Variants in SUCLG2 observed in about 807,000 individuals in gnomAD.
SUCLG2 encodes succinate-CoA ligase GDP-forming subunit beta.
In SUCLG2, 42 loss-of-function variants were observed where a neutral mutation model predicts 47.9. That is an observed-to-expected ratio of 0.88 (90% CI 0.69 to 1.14). The LOEUF is 1.14. SUCLG2 is among the 50% of genes most tolerant of loss of function. The pLI is 0.00. For missense variants in SUCLG2, 571 were observed against 525.9 expected (o/e 1.09, Z -0.84); for synonymous variants, 195 against 197.3 (o/e 0.99, Z 0.10).
chr3:67,458,295 T>C (rs1449928411), intron 9 of SUCLG2, among the ~76,000 whole-genome samples: 3 of 152,170 alleles, frequency 2.0e-5, no homozygotes, highest in Admixed American at 6.5e-5. Context: ...CAGTGCTTTA[T>C]AGACATTTGA....
chr3:67,553,943 T>A (rs990827368), intron 2 of SUCLG2, among the ~76,000 whole-genome samples: 1 of 152,220 alleles, frequency 6.6e-6, no homozygotes, highest in Non-Finnish European at 1.5e-5. Context: ...TTAATTATCA[T>A]GGGTTTCAGA....
intron 9 of SUCLG2, among the ~76,000 whole-genome samples, chr3:67,402,659 T>C (rs1257485497): frequency 6.6e-6 from 1 of 152,054 alleles, no homozygotes; most frequent in East Asian, 1.9e-4. Flanking sequence ...CTCCATGGGG[T>C]CCATGATAGA....
intron 2 of SUCLG2, among the ~76,000 whole-genome samples, chr3:67,593,777 C>T (rs981061667): frequency 6.6e-6 from 1 of 152,132 alleles, no homozygotes; most frequent in South Asian, 2.1e-4. Flanking sequence ...AGTTGGTCAC[C>T]CCCGACTATG....
At chr3:67,560,546 G>A (rs1575778728) in intron 2 of SUCLG2, among the ~76,000 whole-genome samples, 1 of 152,294 alleles carries the variant, frequency 6.6e-6, no homozygotes, top group African/African-American at 2.4e-5. Context: ...AGGAAGGTAA[G>A]TAAAGCCTCC....
intron 2 of SUCLG2, among the ~76,000 whole-genome samples, chr3:67,567,888 A>G (rs1707501846): frequency 6.6e-6 from 1 of 152,208 alleles, no homozygotes; most frequent in African/African-American, 2.4e-5. Context: ...AGTTAATTCA[A>G]TTGTACTTGA....
At chr3:67,585,912 A>C (rs1372542300) in intron 2 of SUCLG2, among the ~76,000 whole-genome samples, 2 of 142,166 alleles carry the variant, frequency 1.4e-5, no homozygotes, top group African/African-American at 5.2e-5. Flanking sequence ...GGTAGCAGTG[A>C]GCCGAGATCA....
At chr3:67,434,786 C>T (rs557012712) in intron 9 of SUCLG2, among the ~76,000 whole-genome samples, 9 of 152,300 alleles carry the variant, frequency 5.9e-5, no homozygotes, top group Admixed American at 2.0e-4. Flanking sequence ...CACATAGCAA[C>T]ATGAGATGCA....
chr3:67,462,800 T>C (rs1322967920), intron 9 of SUCLG2, among the ~76,000 whole-genome samples: 2 of 152,128 alleles, frequency 1.3e-5, no homozygotes, highest in African/African-American at 4.8e-5. Flanking sequence ...GCATCGGAAG[T>C]GAGGCGTGGT....
intron 1 of SUCLG2, among the ~76,000 whole-genome samples, chr3:67,629,512 G>A (rs908816618): frequency 9.2e-5 from 14 of 152,038 alleles, no homozygotes; most frequent in African/African-American, 3.4e-4. Context: ...AGGGGGGGGC[G>A]CCCATATGTG....
intron 7 of SUCLG2, among the ~76,000 whole-genome samples, chr3:67,505,063 T>A (rs891199521): frequency 6.6e-6 from 1 of 152,206 alleles, no homozygotes; most frequent in Non-Finnish European, 1.5e-5. Context: ...AAACTGTATG[T>A]CTCCTATACC....
intron 10 of SUCLG2, among the ~76,000 whole-genome samples, chr3:67,394,106 G>A (rs1364603955): frequency 6.6e-6 from 1 of 152,126 alleles, no homozygotes; most frequent in Non-Finnish European, 1.5e-5. Context: ...ACTCTAAAAA[G>A]CAGAGCACCT....
intron 2 of SUCLG2, among the ~76,000 whole-genome samples, chr3:67,589,779 T>C (rs1054923235): frequency 3.3e-5 from 5 of 152,186 alleles, no homozygotes; most frequent in Admixed American, 3.3e-4. Context: ...CAACGCACAG[T>C]GAAGCTGGGG....
At chr3:67,603,806 C>A (rs900486014) in intron 2 of SUCLG2, among the ~76,000 whole-genome samples, 1 of 152,178 alleles carries the variant, frequency 6.6e-6, no homozygotes, top group Non-Finnish European at 1.5e-5. Flanking sequence ...ATGAGAGACA[C>A]AATCCTTCAC....
intron 1 of SUCLG2, among the ~76,000 whole-genome samples, chr3:67,642,951 TGAGA>T (rs141421739): frequency 7.1e-6 from 1 of 141,546 alleles, no homozygotes; most frequent in Admixed American, 7.0e-5. Context: ...TGTGTGTGTG[TGAGA>T]GAGATGGCAC....
chr3:67,436,005 C>T (rs1703610448), intron 9 of SUCLG2, among the ~76,000 whole-genome samples: 1 of 152,126 alleles, frequency 6.6e-6, no homozygotes, highest in Non-Finnish European at 1.5e-5. Flanking sequence ...TACGTTATAG[C>T]AGTAAATTTG....
intron 10 of SUCLG2, among the ~76,000 whole-genome samples, chr3:67,384,449 G>A (rs1702220135): frequency 6.6e-6 from 1 of 152,156 alleles, no homozygotes. Context: ...ATTGTCTACT[G>A]CTGCTTCAAC....
chr3:67,632,374 G>A (rs144503927), intron 1 of SUCLG2, among the ~76,000 whole-genome samples: 1,621 of 152,148 alleles, frequency 0.011, 33 homozygotes, highest in African/African-American at 0.037. Context: ...GTAGAAGCGG[G>A]GTTTCATCAT....
chr3:67,647,612 T>C (rs1701214447), intron 1 of SUCLG2, among the ~76,000 whole-genome samples: 1 of 152,230 alleles, frequency 6.6e-6, no homozygotes, highest in South Asian at 2.1e-4. Context: ...CTCAAATCTT[T>C]GATGCACGAG....
At chr3:67,579,448 A>G (rs188535201) in intron 2 of SUCLG2, among the ~76,000 whole-genome samples, 17 of 152,352 alleles carry the variant, frequency 1.1e-4, no homozygotes, top group African/African-American at 3.4e-4. Context: ...CTTCAGAACT[A>G]CAAGTTTTAT....
Sources: gnomAD v4.1 joint callset for allele counts (sites outside exome capture counted in the v4.1 genomes callset) on GRCh38, gnomAD v4.1.1 for gene constraint, MANE v1.5 for transcripts, NCBI Gene and HGNC (gene_info 2026-07-23, HGNC 2026-07-21) for gene names.